SPAG8: variants seen among roughly 807,000 people sequenced by gnomAD.
SPAG8 encodes sperm associated antigen 8.
SPAG8 carries 36 observed loss-of-function variants against 45.3 expected under a neutral mutation model. That is an observed-to-expected ratio of 0.80 (90% CI 0.61 to 1.05). The LOEUF (loss-of-function observed/expected upper bound fraction) is 1.05, where lower values mean the gene tolerates loss of function less well. Among genes scored for constraint, SPAG8 ranks in the 50% least tolerant of loss-of-function variants. The probability of loss-of-function intolerance (pLI) is 0.00; values close to 1 mark genes in which losing one functional copy is unlikely to be tolerated. For missense variants in SPAG8, 573 were observed against 609.2 expected (o/e 0.94, Z 0.63); for synonymous variants, 227 against 232.6 (o/e 0.98, Z 0.22).
rs747403844 is a variant in SPAG8 at position 35,811,880 on chromosome 9, A to ATGCAGCCGCTGCAGCTGCTGCGGT, written c.142_165dup (p.Thr48_Ala55dup). On this transcript the variant is annotated inframe_insertion, in exon 2 of 7. Transcript: ENST00000396638. ...AAGGCTGCAGTAGCTGCAGCAGCTG[A>ATGCAGCCGCTGCAGCTGCTGCGGT]TGCAGCCGCTGCAGCTGCTGCGGTT... 1.9e-6 allele frequency: 3 copies of ATGCAGCCGCTGCAGCTGCTGCGGT among 1,607,736 alleles called. No homozygotes were observed. Among genetic ancestry groups the ATGCAGCCGCTGCAGCTGCTGCGGT allele is most frequent in the African/African-American group, 1.3e-5 (1 of 74,764 alleles).
chr9:35,810,698 G>T lies in SPAG8; in HGVS notation c.1040-16C>A. On this transcript the variant is annotated splice_polypyrimidine_tract_variant and intron_variant, in intron 3 of 6. Transcript: ENST00000396638. ...TCACGCTTCCCTGTGAGAGAGTTGGGGGGTGGGCAAGGTGGGGTCTGGTTA... is the reference window on the plus strand; with the variant it reads ...TCACGCTTCCCTGTGAGAGAGTTGGTGGGTGGGCAAGGTGGGGTCTGGTTA... 1 of 1,614,076 alleles carries T rather than the reference G, an allele frequency of 6.2e-7. No homozygotes were observed. Among genetic ancestry groups the T allele is most frequent in the East Asian group, 2.2e-5 (1 of 44,872 alleles).
intron 3 of SPAG8, 89 bp from the exon 4 acceptor site, chr9:35,810,771 T>C (rs543505517): frequency 1.2e-6 from 2 of 1,603,128 alleles, no homozygotes; most frequent in Non-Finnish European, 1.7e-6. Context: ...AGAAGAACCT[T>C]GGGGTTCCGC....
rs73444820 is a variant in SPAG8 at position 35,811,218 on chromosome 9, C to A, written c.828G>T (p.Pro276=). The part of the protein sequence containing the change: ...GKLMVCYETL[P]RGQCLLYNWE... Reference sequence around the variant, plus strand: ...AGTTGTAGAGGAGGCACTGGCCCCGCGGCAAAGTTTCATAGCAAACCATAA... The same window carrying A: ...AGTTGTAGAGGAGGCACTGGCCCCGAGGCAAAGTTTCATAGCAAACCATAA... The change falls in exon 2 of 7, where the codon CCG becomes CCT. Residue 276 remains proline, a synonymous_variant. Transcript: ENST00000396638. 6.3e-7 allele frequency: 1 copy of A among 1,585,864 alleles called. No individual in the cohort carries two copies.
chr9:35,809,923 T>C lies in SPAG8; in HGVS notation c.*15A>G. ...ATAGATTCCATATTCCATACCCCAC[T>C]TCCCTCCTCACCCCTCAGAAAGGAG... On this transcript the variant is annotated 3_prime_UTR_variant, in exon 7 of 7. Transcript: ENST00000396638. This position sits in a 1 kb window ranked among gnomAD's most constrained non-coding sequence, Gnocchi z 4.1. 3.2e-6 allele frequency: 5 copies of C among 1,555,686 alleles called. No individual in the cohort carries two copies. Among genetic ancestry groups the C allele is most frequent in the Non-Finnish European group, 4.3e-6 (5 of 1,155,170 alleles).
In SPAG8 at chr9:35,810,426, G is replaced by T; in HGVS notation, c.1200+13C>A. 1 of 1,611,338 alleles carries T rather than the reference G, an allele frequency of 6.2e-7. No homozygotes were observed. The highest frequency in any genetic ancestry group is 1.1e-5 in the South Asian group (1 of 91,032). On this transcript the variant is annotated intron_variant, in intron 5 of 6. Transcript: ENST00000396638. ...CTGGTGCAAGTGGCGGGGGATGGGGGGTGGGTTCTCACCTTTGTTGGGGCA... is the reference window on the plus strand; with the variant it reads ...CTGGTGCAAGTGGCGGGGGATGGGGTGTGGGTTCTCACCTTTGTTGGGGCA...
At chr9:35,809,535 T>C, downstream of SPAG8, 1 of 1,603,926 alleles carries the variant, frequency 6.2e-7, no homozygotes, top group Non-Finnish European at 8.5e-7. The surrounding 1 kb of genome is among the most constrained non-coding windows in gnomAD (Gnocchi z 4.1). Flanking sequence ...GAAATGGACA[T>C]TTTCATATGC....
downstream of SPAG8, chr9:35,808,014 AGTGT>A (rs1458134021): frequency 7.9e-6 from 5 of 632,788 alleles, no homozygotes; most frequent in African/African-American, 5.5e-5. The surrounding 1 kb of genome is among the most constrained non-coding windows in gnomAD (Gnocchi z 4.0). Context: ...CTAAATACTT[AGTGT>A]GTATTTCCTA....
chr9:35,807,935 G>A (rs1027682814), downstream of SPAG8: 15 of 526,146 alleles, frequency 2.9e-5, no homozygotes, highest in Middle Eastern at 5.0e-4. Context: ...TAATAGATTC[G>A]TTGTATGGAA....
chr9:35,810,778 C>T, intron 3 of SPAG8, 96 bp from the exon 4 acceptor site: 1 of 1,600,966 alleles, frequency 6.2e-7, no homozygotes, highest in Non-Finnish European at 8.5e-7. Context: ...CCTTGGGGTT[C>T]CGCCCTTATA....
intron 3 of SPAG8, 75 bp downstream of exon 3, chr9:35,810,808 C>T (rs1337072378): frequency 1.1e-5 from 17 of 1,590,564 alleles, no homozygotes; most frequent in Non-Finnish European, 1.0e-5. Context: ...GAATCCACAG[C>T]CCCACCAGAA....
chr9:35,808,141 C>T, downstream of SPAG8: 1 of 1,527,928 alleles, frequency 6.5e-7, no homozygotes, highest in Non-Finnish European at 9.1e-7. This position sits in a 1 kb window ranked among gnomAD's most constrained non-coding sequence, Gnocchi z 4.0. Context: ...TTTGGGCTGT[C>T]AGGTCCATTT....
downstream of SPAG8, chr9:35,808,004 C>T: frequency 1.6e-6 from 1 of 617,354 alleles, no homozygotes; most frequent in East Asian, 2.7e-5. This position sits in a 1 kb window ranked among gnomAD's most constrained non-coding sequence, Gnocchi z 4.0. Flanking sequence ...TACTTTATCC[C>T]TAAATACTTA....
Position 35,810,451 on chromosome 9 carries a change from A to G in SPAG8, c.1188T>C (p.Pro396=). The G allele has an allele frequency of 1.2e-6, 2 of 1,613,808 alleles. No homozygotes were observed. Among genetic ancestry groups the G allele is most frequent in the Non-Finnish European group, 1.7e-6 (2 of 1,179,832 alleles). ...YRMELAQAGT[P]APTKPHDYRQ... is the part of the protein sequence containing the mutation. ...GGTGGGTTCTCACCTTTGTTGGGGC[A>G]GGAGTCCCTGCTTGTGCCAGCTCCA... The change falls in exon 5 of 7, where the codon CCT becomes CCC. Residue 396 remains proline (P), a synonymous_variant. Transcript: ENST00000396638.
In SPAG8 at chr9:35,811,901, C is replaced by T; in HGVS notation, c.145G>A (p.Ala49Thr). The T allele has an allele frequency of 6.2e-7, 1 of 1,609,546 alleles. No individual in the cohort carries two copies. The highest frequency in any genetic ancestry group is 1.3e-5 in the African/African-American group (1 of 74,928). Residue 49 changes from alanine (A) to threonine (T), a missense_variant, in exon 2 of 7, where the codon GCA becomes ACA. Coordinates refer to ENST00000396638, the MANE Select transcript of SPAG8 (RefSeq NM_001039592.2). ...GCTGATGCAGCCGCTGCAGCTGCTG[C>T]GGTTGCAGCTGCCAGGGCCGACCTG... ...SPRSALAAAT[A>T]AAAAAASAAA...
chr9:35,809,118 T>C, downstream of SPAG8: 5 of 1,554,846 alleles, frequency 3.2e-6, no homozygotes, highest in Non-Finnish European at 4.4e-6. This position sits in a 1 kb window ranked among gnomAD's most constrained non-coding sequence, Gnocchi z 4.1. Flanking sequence ...TTTCTTTGAT[T>C]CCTCATTCCA....
At chr9:35,809,263 G>T (rs760800240), downstream of SPAG8, 26 of 1,612,910 alleles carry the variant, frequency 1.6e-5, no homozygotes, top group Admixed American at 4.3e-4. The surrounding 1 kb of genome is among the most constrained non-coding windows in gnomAD (Gnocchi z 4.1). Flanking sequence ...GGCAGGCCAT[G>T]GGGAGGGGGG....
rs1828833876 is a variant in SPAG8 at position 35,811,991 on chromosome 9, T to C, written c.55A>G (p.Ile19Val). 5 of 1,601,776 alleles carry C rather than the reference T, an allele frequency of 3.1e-6. No individual in the cohort carries two copies. In the South Asian group the frequency reaches 4.4e-5, roughly 14 times the overall value. Residue 19 changes from isoleucine (I) to valine (V), a missense_variant, in exon 2 of 7, where the codon ATA (isoleucine) becomes GTA (valine). Coordinates refer to ENST00000396638, the MANE Select transcript of SPAG8 (RefSeq NM_001039592.2). ...CCCAGTCCTTCGGAGCTGGGCTGTA[T>C]GTCTAAAGATCTGAAAGAAAGCAAA... ...GSRSRSRSLD[I>V]QPSSEGLGPT...
rs760570462 is a variant in SPAG8, at chr9:35,810,126, T to G, written c.1270A>C (p.Ser424Arg). 6 of 1,610,904 alleles carry G rather than the reference T, an allele frequency of 3.7e-6. No individual in the cohort carries two copies. In the African/African-American group the frequency reaches 6.7e-5, roughly 18 times the overall value. The change falls in exon 7 of 7, where the codon AGT (serine) becomes CGT (arginine). Residue 424 changes from serine to arginine, a missense_variant. Coordinates refer to ENST00000396638, the MANE Select transcript of SPAG8 (RefSeq NM_001039592.2). ...IQRAPQLPGV[S>R]NIRTLDTPFR... ...GGTGTGTCCAATGTCCTGATGTTAC[T>G]GACACCCTGGAGGAGTGCCAGGATG... is the stretch of plus-strand genomic sequence containing the variant.
rs1162677376 is a variant in SPAG8 at position 35,809,893 on chromosome 9, C to T, written c.*45G>A. On this transcript the variant is annotated 3_prime_UTR_variant, in exon 7 of 7. Coordinates refer to ENST00000396638, the MANE Select transcript of SPAG8 (RefSeq NM_001039592.2). This position sits in a 1 kb window ranked among gnomAD's most constrained non-coding sequence, Gnocchi z 4.1. ...TTCCTCCCGACCTCTCTAGTGCAGA[C>T]AGAAATAGATTCCATATTCCATACC... 6.5e-7 allele frequency: 1 copy of T among 1,539,484 alleles called. No individual in the cohort carries two copies. Among genetic ancestry groups the T allele is most frequent in the African/African-American group, 1.4e-5 (1 of 72,222 alleles).
Sources: gnomAD v4.1 joint callset for allele counts on GRCh38, gnomAD v4.1.1 for gene constraint, Gnocchi (gnomAD v3.1) non-coding constraint, MANE v1.5 for transcripts, NCBI Gene and HGNC (gene_info 2026-07-23, HGNC 2026-07-21) for gene names.